Variants in ANXA8 observed in about 807,000 individuals in gnomAD.
ANXA8 encodes VAC-beta.
Under a neutral mutation model 26.8 loss-of-function variants are expected in ANXA8, and 9 were observed. That is an observed-to-expected ratio of 0.34 (90% confidence interval 0.20 to 0.59). The LOEUF is 0.59. Ranked by LOEUF, ANXA8 falls within the 20% of genes least tolerant of loss-of-function variation. The probability of loss-of-function intolerance (pLI) is 0.84; values close to 1 mark genes in which losing one functional copy is unlikely to be tolerated. For missense variants in ANXA8, 83 were observed against 238.5 expected, an observed-to-expected ratio of 0.35 and a Z score of 4.29; for synonymous variants, 39 against 94.8, an observed-to-expected ratio of 0.41 and a Z score of 3.42.
At chr10:47,984,391 A>AG in the ANXA8 span, among the ~76,000 whole-genome samples, 1 of 148,692 alleles carries the variant, frequency 6.7e-6, no homozygotes, top group Non-Finnish European at 1.5e-5. Context: ...GAATTTGTGA[A>AG]GGGGTCCCAA....
chr10:47,577,962 GA>G, the ANXA8 span, among the ~76,000 whole-genome samples: 2 of 31,162 alleles, frequency 6.4e-5, 1 homozygote, highest in Non-Finnish European at 1.5e-4. Flanking sequence ...GGTCACACCC[GA>G]TTGCACTCCA....
chr10:47,768,105 C>T, the ANXA8 span, among the ~76,000 whole-genome samples: 1 of 150,768 alleles, frequency 6.6e-6, no homozygotes, highest in African/African-American at 2.5e-5. Context: ...CAAGGCTTGT[C>T]CTTCCTCAAT....
At chr10:47,982,304 A>G in the ANXA8 span, among the ~76,000 whole-genome samples, 4 of 150,734 alleles carry the variant, frequency 2.7e-5, no homozygotes, top group African/African-American at 4.8e-5. Context: ...ACAAAATGAA[A>G]CAAAACAACC....
the ANXA8 span, among the ~76,000 whole-genome samples, chr10:47,749,701 CAGAA>C: frequency 1.3e-5 from 2 of 150,656 alleles, no homozygotes; most frequent in South Asian, 2.1e-4. Flanking sequence ...AAAAAATAAT[CAGAA>C]AGAAAGCAAC....
the ANXA8 span, among the ~76,000 whole-genome samples, chr10:47,566,312 C>T: frequency 8.0e-5 from 12 of 150,898 alleles, no homozygotes; most frequent in Admixed American, 7.9e-4. Context: ...TCCCTGATCC[C>T]CCGCCCCAGA....
At chr10:47,693,791 G>C in the ANXA8 span, among the ~76,000 whole-genome samples, 2 of 151,212 alleles carry the variant, frequency 1.3e-5, no homozygotes, top group Non-Finnish European at 1.5e-5. Flanking sequence ...TTGTAGAGCT[G>C]CCCACAGCAT....
chr10:47,973,549 C>T, the ANXA8 span: 17 of 150,262 alleles, frequency 1.1e-4, 1 homozygote, highest in Non-Finnish European at 2.4e-4. Context: ...CTCACAGCAG[C>T]CACAAGTATT....
At chr10:47,668,505 C>A in the ANXA8 span, among the ~76,000 whole-genome samples, 1 of 151,370 alleles carries the variant, frequency 6.6e-6, no homozygotes, top group Admixed American at 6.6e-5. Flanking sequence ...AAGCGCCAAG[C>A]ATTTCTCTTG....
the ANXA8 span, among the ~76,000 whole-genome samples, chr10:47,724,709 T>C: frequency 7.1e-6 from 1 of 141,026 alleles, no homozygotes; most frequent in African/African-American, 2.6e-5. Context: ...ATCAAATTAA[T>C]CTTCTGAAAT....
At chr10:47,666,593 T>C in the ANXA8 span, among the ~76,000 whole-genome samples, 1 of 151,938 alleles carries the variant, frequency 6.6e-6, no homozygotes, top group Non-Finnish European at 1.5e-5. Flanking sequence ...CATTTTTATG[T>C]TTTTCTTTTA....
At chr10:47,650,335 C>T in the ANXA8 span, among the ~76,000 whole-genome samples, 3,131 of 145,438 alleles carry the variant, frequency 0.022, 61 homozygotes, top group African/African-American at 0.074. Context: ...GTGTGAGCCA[C>T]TGCACCTGGC....
chr10:47,633,714 C>T, the ANXA8 span, among the ~76,000 whole-genome samples: 5 of 143,150 alleles, frequency 3.5e-5, no homozygotes, highest in Admixed American at 2.8e-4. Context: ...GGCCCCTCAG[C>T]GAAAACCTCT....
chr10:47,976,517 G>T, the ANXA8 span, among the ~76,000 whole-genome samples: 2 of 147,564 alleles, frequency 1.4e-5, no homozygotes, highest in African/African-American at 5.0e-5. Flanking sequence ...AGACCAGTCT[G>T]GACAACACAG....
the ANXA8 span, among the ~76,000 whole-genome samples, chr10:47,659,054 G>T: frequency 6.6e-6 from 1 of 151,586 alleles, no homozygotes; most frequent in African/African-American, 2.4e-5. Flanking sequence ...TCTATTTTTA[G>T]TAGAGATGGG....
At chr10:47,660,431 C>A in the ANXA8 span, among the ~76,000 whole-genome samples, 1 of 151,434 alleles carries the variant, frequency 6.6e-6, no homozygotes. Flanking sequence ...GAGACAGTCT[C>A]GTCCTGATGG....
the ANXA8 span, among the ~76,000 whole-genome samples, chr10:47,973,734 AT>A: frequency 6.6e-6 from 1 of 151,042 alleles, no homozygotes; most frequent in Non-Finnish European, 1.5e-5. Flanking sequence ...GGCTACCTGG[AT>A]TGTTTATTGG....
At chr10:47,484,245 C>T (rs1214693366), upstream of ANXA8, 69 of 692,620 alleles carry the variant, frequency 1.0e-4, no homozygotes, top group Non-Finnish European at 1.6e-4. Context: ...AAATTCTTAG[C>T]TCCAGCCTGC....
the ANXA8 span, among the ~76,000 whole-genome samples, chr10:47,667,597 T>A: frequency 6.6e-6 from 1 of 151,918 alleles, no homozygotes; most frequent in Non-Finnish European, 1.5e-5. Flanking sequence ...TCGCCCAGGC[T>A]GGAGTGCAGT....
At chr10:47,621,702 C>T in the ANXA8 span, among the ~76,000 whole-genome samples, 1 of 106,564 alleles carries the variant, frequency 9.4e-6, no homozygotes, top group East Asian at 2.2e-4. Flanking sequence ...CTCTGACTTC[C>T]ATCAGCTCAC....
Sources: gnomAD v4.1 joint callset for allele counts (sites outside exome capture counted in the v4.1 genomes callset) on GRCh38, gnomAD v4.1.1 for gene constraint, MANE v1.5 for transcripts, NCBI Gene and HGNC (gene_info 2026-07-23, HGNC 2026-07-21) for gene names.